TMPRSS15: variants seen among roughly 807,000 people sequenced by gnomAD.
TMPRSS15 encodes the protein transmembrane serine protease 15, also known as enteropeptidase.
A neutral mutation model predicts 125.3 loss-of-function variants in TMPRSS15; 128 were observed. The observed-to-expected ratio is 1.02, with a 90% CI of 0.89 to 1.18. The LOEUF (loss-of-function observed/expected upper bound fraction) is 1.18, where lower values mean the gene tolerates loss of function less well. Ranked by LOEUF, TMPRSS15 falls within the 50% of genes most tolerant of loss-of-function variation. The probability of loss-of-function intolerance (pLI) is 0.00; values close to 1 mark genes in which losing one functional copy is unlikely to be tolerated. For synonymous variants in TMPRSS15, 446 were observed against 423.2 expected (o/e 1.05, Z -0.66); for missense variants, 1,283 against 1,212.7 (o/e 1.06, Z -0.86).
intron 8 of TMPRSS15, among the ~76,000 whole-genome samples, chr21:18,357,665 A>C (rs2075639060): frequency 6.6e-6 from 1 of 151,808 alleles, no homozygotes; most frequent in South Asian, 2.1e-4. Flanking sequence ...TTGTGACTTG[A>C]GAATGAAAGT....
chr21:18,353,945 C>T lies in TMPRSS15; in HGVS notation c.881-82G>A, dbSNP rs184544857. 65 of 1,353,528 alleles carry T rather than the reference C, an allele frequency of 4.8e-5. No individual in the cohort carries two copies. The Admixed American group carries it at 1.0e-3, about 22-fold the overall frequency. 83.8% of individuals were successfully genotyped at this position (1,353,528 alleles called of 1,614,324 possible). A position where few individuals can be genotyped will look rare whatever the true frequency, so the allele number is the denominator to read the frequency against. On this transcript the variant is annotated intron_variant, in intron 8 of 24. Transcript: ENST00000284885. Reference sequence around the variant, plus strand: ...TCCATCCATCAGTCCATCTACTGAACTATCAGTTTGTCAGTTGATCTATAC... The same window carrying T: ...TCCATCCATCAGTCCATCTACTGAATTATCAGTTTGTCAGTTGATCTATAC...
intron 13 of TMPRSS15, among the ~76,000 whole-genome samples, chr21:18,337,769 T>C (rs1304935603): frequency 6.6e-6 from 1 of 152,210 alleles, no homozygotes; most frequent in African/African-American, 2.4e-5. Flanking sequence ...CAGTCAGCCA[T>C]GGTTTCCTTT....
chr21:18,383,395 C>T (rs1197379735), intron 4 of TMPRSS15, among the ~76,000 whole-genome samples: 1 of 151,482 alleles, frequency 6.6e-6, no homozygotes, highest in Non-Finnish European at 1.5e-5. Flanking sequence ...CTGTGCATGC[C>T]AACACTCTCA....
chr21:18,412,920 T>C (rs1051451808), intron 1 of TMPRSS15, among the ~76,000 whole-genome samples: 7 of 152,168 alleles, frequency 4.6e-5, no homozygotes, highest in Non-Finnish European at 8.8e-5. Context: ...ATTCCTTACA[T>C]TAGATCCTTG....
At chr21:18,355,113 G>A (rs2075611624) in intron 8 of TMPRSS15, among the ~76,000 whole-genome samples, 1 of 151,754 alleles carries the variant, frequency 6.6e-6, no homozygotes, top group African/African-American at 2.4e-5. Context: ...CTGTTGCTAC[G>A]GCAGCATGCA....
At chr21:18,448,161 C>G (rs893246821) in intron 1 of TMPRSS15, among the ~76,000 whole-genome samples, 3 of 152,060 alleles carry the variant, frequency 2.0e-5, no homozygotes, top group Admixed American at 6.6e-5. Flanking sequence ...ATCTACATTT[C>G]TATGTTTATT....
At chr21:18,383,961 G>T (rs1205064628) in intron 3 of TMPRSS15, among the ~76,000 whole-genome samples, 183 bp from the exon 4 acceptor site, 1 of 152,132 alleles carries the variant, frequency 6.6e-6, no homozygotes, top group African/African-American at 2.4e-5. Context: ...AAAGTGAATT[G>T]AAAGACTAAA....
At chr21:18,474,723 A>G (rs1978845244) in intron 1 of TMPRSS15, among the ~76,000 whole-genome samples, 1 of 152,226 alleles carries the variant, frequency 6.6e-6, no homozygotes, top group South Asian at 2.1e-4. Context: ...AACAAACAAA[A>G]GATGTTACTG....
chr21:18,482,478 A>G (rs186007669), intron 1 of TMPRSS15, among the ~76,000 whole-genome samples: 1 of 151,642 alleles, frequency 6.6e-6, no homozygotes, highest in African/African-American at 2.4e-5. Context: ...ACTCAAAGTG[A>G]TGGATGCCTC....
chr21:18,343,805 C>G (rs1454590403), intron 11 of TMPRSS15, 149 bp from the exon 12 acceptor site: 9 of 1,141,276 alleles, frequency 7.9e-6, no homozygotes, highest in Non-Finnish European at 1.1e-5. Context: ...AGGTGTCTAT[C>G]AATGTTTTAT....
chr21:18,448,965 T>C (rs1410386089), intron 1 of TMPRSS15, among the ~76,000 whole-genome samples: 2 of 152,136 alleles, frequency 1.3e-5, no homozygotes, highest in African/African-American at 2.4e-5. Context: ...GGTCTTAAAA[T>C]AAATCAGAAC....
chr21:18,344,079 A>C lies in TMPRSS15; in HGVS notation c.1172-19T>G, dbSNP rs1420738037. On this transcript the variant is annotated intron_variant, in intron 10 of 24. Transcript: ENST00000284885. ...TAAAATCCTGTAAAAATATCAAAAA[A>C]AATTTATTTCACTTAAATATTGCAT... 6.3e-7 allele frequency: 1 copy of C among 1,595,432 alleles called. No individual in the cohort carries two copies. Among genetic ancestry groups the C allele is most frequent in the Non-Finnish European group, 8.6e-7 (1 of 1,164,268 alleles).
chr21:18,481,018 T>C (rs1274286336), intron 1 of TMPRSS15, among the ~76,000 whole-genome samples: 2 of 151,864 alleles, frequency 1.3e-5, no homozygotes, highest in African/African-American at 4.8e-5. Context: ...TGAAATACTG[T>C]GGTCTTGGAA....
At chr21:18,274,228 G>A (rs1395903173) in intron 24 of TMPRSS15, among the ~76,000 whole-genome samples, 2 of 152,082 alleles carry the variant, frequency 1.3e-5, no homozygotes, top group Non-Finnish European at 2.9e-5. Flanking sequence ...TGCCTTACAT[G>A]GGTTATCTCA....
intron 18 of TMPRSS15, among the ~76,000 whole-genome samples, chr21:18,298,920 TTCTTC>T (rs1353556538): frequency 6.6e-6 from 1 of 152,236 alleles, no homozygotes; most frequent in Non-Finnish European, 1.5e-5. Flanking sequence ...TAGAAAGTGG[TTCTTC>T]TCTCTTTTAA....
At chr21:18,413,739 T>C (rs2076173246) in intron 1 of TMPRSS15, among the ~76,000 whole-genome samples, 1 of 151,944 alleles carries the variant, frequency 6.6e-6, no homozygotes, top group South Asian at 2.1e-4. Context: ...TCTTTATTTC[T>C]TGCTTTAGGA....
intron 1 of TMPRSS15, among the ~76,000 whole-genome samples, chr21:18,415,861 C>A (rs147015414): frequency 6.6e-6 from 1 of 152,028 alleles, no homozygotes; most frequent in African/African-American, 2.4e-5. Context: ...ATAAAATGTT[C>A]TCTGTTTGTA....
chr21:18,328,304 G>A (rs2075312755), intron 15 of TMPRSS15, among the ~76,000 whole-genome samples: 1 of 152,054 alleles, frequency 6.6e-6, no homozygotes, highest in African/African-American at 2.4e-5. Context: ...AGCATTCTCA[G>A]GTACCTACAC....
At chr21:18,396,296 C>A (rs532673471) in intron 3 of TMPRSS15, among the ~76,000 whole-genome samples, 9 of 152,268 alleles carry the variant, frequency 5.9e-5, no homozygotes, top group African/African-American at 2.2e-4. Context: ...GCTACTCTAA[C>A]ATTCTCATAT....
Sources: allele counts gnomAD v4.1 joint callset (sites outside exome capture counted in the v4.1 genomes callset), GRCh38; gene constraint gnomAD v4.1.1; transcripts MANE v1.5; gene names NCBI Gene and HGNC (gene_info 2026-07-23, HGNC 2026-07-21).